The following FASTKD2 variants were observed in gnomAD, a reference collection of about 807,000 sequenced individuals.
FASTKD2 encodes the protein FAST kinase domains 2.
Under a neutral mutation model 63.6 loss-of-function variants are expected in FASTKD2, and 51 were observed. The observed-to-expected ratio is 0.80, with a 90% CI of 0.64 to 1.01. FASTKD2 has a LOEUF of 1.01. Ranked by LOEUF, FASTKD2 falls within the 50% of genes least tolerant of loss-of-function variation. The pLI is 0.00. For missense variants in FASTKD2, 786 were observed against 831.1 expected (o/e 0.95, Z 0.67); for synonymous variants, 284 against 293.4 (o/e 0.97, Z 0.33).
At position 206,790,638 on chromosome 2, in the gene FASTKD2, T is replaced by G; in HGVS notation, c.1965T>G (p.Leu655=). The change falls in exon 11 of 12, where the codon CTT becomes CTG. Residue 655 remains leucine (L), a synonymous_variant. Transcript: ENST00000402774. ...GTTCAAGCCACCCCAGAGGATTCCT[T>G]GCTATGAAAATGCGGCATTTGAATG... The part of the protein sequence containing the change: ...CLGSSHPRGF[L]AMKMRHLNAM... 6.2e-7 allele frequency: 1 copy of G among 1,613,520 alleles called. No individual in the cohort carries two copies. The highest frequency in any genetic ancestry group is 8.5e-7 in the Non-Finnish European group (1 of 1,179,470).
Position 206,766,891 on chromosome 2 carries a change from CAG to C in FASTKD2, c.200_201del (p.Arg67AsnfsTer5), listed in dbSNP as rs756555125. ...NWNILNNFHN[R>X]MQSTDIIRYL... The stretch of plus-strand genomic sequence containing the variant: ...GGAACATTTTAAATAACTTTCATAA[CAG>C]AATGCAATCAACTGATATCATTAGA... On this transcript the variant is annotated frameshift_variant, in exon 2 of 12. Coordinates refer to ENST00000402774, the MANE Select transcript of FASTKD2 (RefSeq NM_001136193.2). LOFTEE classifies it high-confidence loss of function. The C allele has an allele frequency of 9.4e-6, 15 of 1,598,574 alleles. No homozygotes were observed. Among genetic ancestry groups the C allele is most frequent in the Non-Finnish European group, 1.3e-5 (15 of 1,172,090 alleles).
intron 7 of FASTKD2, among the ~76,000 whole-genome samples, chr2:206,774,650 A>G (rs372602292): frequency 3.4e-4 from 52 of 152,094 alleles, no homozygotes; most frequent in African/African-American, 1.2e-3. Context: ...TTTGATTTCA[A>G]ACCCTCCCAG....
chr2:206,770,994 G>C, intron 3 of FASTKD2, among the ~76,000 whole-genome samples, 188 bp from the exon 4 acceptor site: 1 of 152,108 alleles, frequency 6.6e-6, no homozygotes, highest in South Asian at 2.1e-4. Flanking sequence ...AATAATGTGA[G>C]AGAAAATAGC....
At chr2:206,791,103 T>C (rs1476708945) in intron 11 of FASTKD2, 1 of 231,276 alleles carries the variant, frequency 4.3e-6, no homozygotes, top group African/African-American at 2.3e-5. Flanking sequence ...TGGATGGTTT[T>C]AAGAAGATGG....
rs750859410 is a variant in FASTKD2, at chr2:206,767,196, A to G, written c.503A>G (p.Asp168Gly). 2 of 1,614,200 alleles carry G rather than the reference A, an allele frequency of 1.2e-6. No homozygotes were observed. Among genetic ancestry groups the G allele is most frequent in the Non-Finnish European group, 1.7e-6 (2 of 1,180,010 alleles). Residue 168 changes from aspartate to glycine, a missense_variant, in exon 2 of 12, where the codon GAT becomes GGT. Transcript: ENST00000402774. Reference sequence around the variant, plus strand: ...TCTGAGGAATGTAATTCCCTGAGTGATGTGTTAGATGCATTTTCAAAAGCG... The same window carrying G: ...TCTGAGGAATGTAATTCCCTGAGTGGTGTGTTAGATGCATTTTCAAAAGCG... ...KLSEECNSLSDVLDAFSKAPT... is the reference protein window; with the variant it reads ...KLSEECNSLSGVLDAFSKAPT...
chr2:206,783,693 GA>G (rs1690056172), intron 7 of FASTKD2, among the ~76,000 whole-genome samples: 1 of 152,144 alleles, frequency 6.6e-6, no homozygotes, highest in South Asian at 2.1e-4. Context: ...ATAGAGGGGG[GA>G]TAACAAAGGT....
chr2:206,790,585 T>C lies in FASTKD2; in HGVS notation c.1912T>C (p.Cys638Arg), dbSNP rs1690257671. The C allele has an allele frequency of 1.3e-6, 2 of 1,599,822 alleles. No homozygotes were observed. Among genetic ancestry groups the C allele is most frequent in the Non-Finnish European group, 8.6e-7 (1 of 1,167,052 alleles). Residue 638 changes from cysteine (C) to arginine (R), a missense_variant, in exon 11 of 12, where the codon TGT becomes CGT. Cys to Arg is a radical substitution (Grantham distance 180). Coordinates refer to ENST00000402774, the MANE Select transcript of FASTKD2 (RefSeq NM_001136193.2). ...ATDIQRVAVL[C>R]VSRSAYCLGS... ...TTTTGTTTTCAGAGTAGCTGTGCTA[T>C]GTGTTTCCAGATCTGCTTATTGTTT...
At chr2:206,777,662 G>A (rs1005293432) in intron 7 of FASTKD2, among the ~76,000 whole-genome samples, 7 of 152,098 alleles carry the variant, frequency 4.6e-5, no homozygotes, top group Non-Finnish European at 8.8e-5. Context: ...GGTAATGCTG[G>A]CCTCATAAAA....
intron 10 of FASTKD2, chr2:206,790,051 C>T (rs1373937567): frequency 6.5e-6 from 1 of 152,998 alleles, no homozygotes; most frequent in Non-Finnish European, 1.5e-5. Flanking sequence ...CAAATTACAC[C>T]TTCCACATTT....
Position 206,767,122 on chromosome 2 carries a change from T to C in FASTKD2, c.429T>C (p.Asp143=). The part of the protein sequence containing the change: ...VNLNHEVSNE[D]VLTKETKPNR... The stretch of plus-strand genomic sequence containing the variant: ...TTAATCATGAAGTCTCCAATGAAGA[T>C]GTTCTTACCAAGGAAACAAAACCAA... Residue 143 remains aspartate (D), a synonymous_variant, in exon 2 of 12, where the codon GAT becomes GAC. Coordinates refer to ENST00000402774, the MANE Select transcript of FASTKD2 (RefSeq NM_001136193.2). 1 of 1,614,090 alleles carries C rather than the reference T, an allele frequency of 6.2e-7. No individual in the cohort carries two copies. The highest frequency in any genetic ancestry group is 1.1e-5 in the South Asian group (1 of 91,080).
chr2:206,772,144 G>C (rs1225900929), intron 5 of FASTKD2, 37 bp from the exon 6 acceptor site: 1 of 1,596,282 alleles, frequency 6.3e-7, no homozygotes, highest in Non-Finnish European at 8.6e-7. Context: ...AAAACAATCA[G>C]GTAATTTTTG....
rs761102573 is a variant in FASTKD2 at position 206,774,377 on chromosome 2, C to T, written c.1407C>T (p.Val469=). 1.3e-5 allele frequency: 20 copies of T among 1,599,536 alleles called. No homozygotes were observed. The South Asian group carries it at 2.2e-4, about 18-fold the overall frequency. ...ATACTTACTCTTCTCTCAATCATGT[C>T]TACAAATGCCAGAACAAAGAGTATG... ...ILHTYSSLNH[V]YKCQNKEQFV... The change falls in exon 7 of 12, where the codon GTC becomes GTT. Residue 469 remains valine, a synonymous_variant. Transcript: ENST00000402774.
At chr2:206,778,499 C>T (rs945374778) in intron 7 of FASTKD2, among the ~76,000 whole-genome samples, 8 of 151,866 alleles carry the variant, frequency 5.3e-5, no homozygotes, top group South Asian at 2.1e-4. Context: ...CTTTGTGATC[C>T]GAAAGGATAC....
At chr2:206,790,025 A>G (rs951708792) in intron 10 of FASTKD2, 1 of 153,138 alleles carries the variant, frequency 6.5e-6, no homozygotes, top group Admixed American at 6.5e-5. Flanking sequence ...CCAAAGTGCC[A>G]GGAACAATGA....
intron 1 of FASTKD2, 107 bp from the exon 2 acceptor site, chr2:206,766,537 A>T: frequency 1.5e-6 from 1 of 681,368 alleles, no homozygotes; most frequent in Non-Finnish European, 2.5e-6. Flanking sequence ...GTAAATGTTT[A>T]ATGGCTCCAT....
chr2:206,772,120 A>C (rs1295210083), intron 5 of FASTKD2, 61 bp from the exon 6 acceptor site: 1 of 1,592,230 alleles, frequency 6.3e-7, no homozygotes, highest in African/African-American at 1.3e-5. Context: ...AAAAGAATAA[A>C]GCATGTTGTA....
Position 206,771,296 on chromosome 2 carries a change from C to G in FASTKD2, c.990+6C>G, listed in dbSNP as rs1171636667. ...CTCTTAAGAGGAAACTGGAGGTAAA[C>G]ACATGAATTTTCTCTAGTGGATGAG... On this transcript the variant is annotated splice_donor_region_variant and intron_variant, in intron 4 of 11. Coordinates refer to ENST00000402774, the MANE Select transcript of FASTKD2 (RefSeq NM_001136193.2). 1 of 1,521,238 alleles carries G rather than the reference C, an allele frequency of 6.6e-7. No homozygotes were observed. The highest frequency in any genetic ancestry group is 1.7e-5 in the Admixed American group (1 of 59,930). 94.2% of individuals were successfully genotyped at this position (1,521,238 alleles called of 1,614,324 possible). A position where few individuals can be genotyped will look rare whatever the true frequency, so the allele number is the denominator to read the frequency against.
intron 1 of FASTKD2, among the ~76,000 whole-genome samples, 156 bp from the exon 2 acceptor site, chr2:206,766,487 AG>A (rs1689477466): frequency 6.6e-6 from 1 of 152,140 alleles, no homozygotes; most frequent in South Asian, 2.1e-4. Context: ...GGTAGATTGG[AG>A]GGAGCCCACA....
chr2:206,772,319 A>G lies in FASTKD2; in HGVS notation c.1253A>G (p.Lys418Arg). The change falls in exon 6 of 12, where the codon AAA (lysine) becomes AGA (arginine). Residue 418 changes from lysine (K) to arginine (R), a missense_variant and splice_region_variant. Coordinates refer to ENST00000402774, the MANE Select transcript of FASTKD2 (RefSeq NM_001136193.2). ...ACTTTCGACATCTGGAAGTTCAGAAAAGTGAGTACATTAACAATTTAGAAT... is the reference window on the plus strand; with the variant it reads ...ACTTTCGACATCTGGAAGTTCAGAAGAGTGAGTACATTAACAATTTAGAAT... ...AATFDIWKFRKVLFILILFEN... is the reference protein window; with the variant it reads ...AATFDIWKFRRVLFILILFEN... 1 of 1,613,770 alleles carries G rather than the reference A, an allele frequency of 6.2e-7. No individual in the cohort carries two copies. The highest frequency in any genetic ancestry group is 8.5e-7 in the Non-Finnish European group (1 of 1,179,692).
Sources: gnomAD v4.1 joint callset for allele counts (sites outside exome capture counted in the v4.1 genomes callset) on GRCh38, gnomAD v4.1.1 for gene constraint, MANE v1.5 for transcripts, NCBI Gene and HGNC (gene_info 2026-07-23, HGNC 2026-07-21) for gene names.